AP5Z1: variants seen among roughly 807,000 people sequenced by gnomAD.
AP5Z1 encodes the protein adaptor related protein complex 5 subunit zeta 1, also known as AP-5 complex subunit zeta-1.
Under a neutral mutation model 83.0 loss-of-function variants are expected in AP5Z1, and 106 were observed. The observed-to-expected ratio is 1.28, with a 90% CI of 1.09 to 1.50. The LOEUF (loss-of-function observed/expected upper bound fraction) is 1.50, where lower values mean the gene tolerates loss of function less well. Ranked by LOEUF, AP5Z1 falls within the 40% of genes most tolerant of loss-of-function variation. The pLI is 0.00. For synonymous variants in AP5Z1, 751 were observed against 514.1 expected (o/e 1.46, Z -6.23); for missense variants, 1,565 against 1,094.2 (o/e 1.43, Z -6.07).
intron 10 of AP5Z1, among the ~76,000 whole-genome samples, chr7:4,787,253 G>A (rs1562410073): frequency 6.6e-6 from 1 of 152,120 alleles, no homozygotes; most frequent in East Asian, 2.0e-4. Context: ...AGCACCTCGG[G>A]AGGCCAAGGC....
At position 4,794,233 on chromosome 7, in the gene AP5Z1, T is replaced by A. The variant is rs1028734596; in HGVS notation, c.*2848T>A. ...ATTGTAAACGCACCAATCAGCACCC[T>A]GTCAAAACAGACCACTCGGCTCTAC... is the stretch of plus-strand genomic sequence containing the variant. On this transcript the variant is annotated 3_prime_UTR_variant, in exon 17 of 17. Coordinates refer to ENST00000649063, the MANE Select transcript of AP5Z1 (RefSeq NM_014855.3). 1 of 152,190 alleles carries A rather than the reference T, an allele frequency of 6.6e-6. No homozygotes were observed. Among genetic ancestry groups the A allele is most frequent in the African/African-American group, 2.4e-5 (1 of 41,422 alleles). 9.4% of individuals were successfully genotyped at this position (152,190 alleles called of 1,614,324 possible). A position where few individuals can be genotyped will look rare whatever the true frequency, so the allele number is the denominator to read the frequency against.
At chr7:4,777,254 C>A (rs1261775693) in intron 1 of AP5Z1, among the ~76,000 whole-genome samples, 2 of 152,000 alleles carry the variant, frequency 1.3e-5, no homozygotes, top group Non-Finnish European at 2.9e-5. Flanking sequence ...AAGGTCCTTG[C>A]CAAGAGACAA....
rs1417264467 is a variant in AP5Z1, at chr7:4,781,755, GTAGC to G, written c.366+2_366+5del. 1.3e-6 allele frequency: 2 copies of G among 1,556,764 alleles called. No homozygotes were observed. The highest frequency in any genetic ancestry group is 2.7e-5 in the African/African-American group (2 of 74,018). On this transcript the variant is annotated splice_donor_variant and splice_donor_5th_base_variant and intron_variant, in intron 3 of 16. Coordinates refer to ENST00000649063, the MANE Select transcript of AP5Z1 (RefSeq NM_014855.3). LOFTEE classifies it high-confidence loss of function. ...GGTGGCCTCCGTTCTCTTGGCCCAG[GTAGC>G]GCAGCAGTCACCACCCCAGTTGGCA...
intron 9 of AP5Z1, 29 bp downstream of exon 9, chr7:4,785,713 C>T (rs757315810): frequency 9.6e-5 from 138 of 1,440,566 alleles, no homozygotes; most frequent in Middle Eastern, 3.9e-4. Flanking sequence ...GGCGCTGACT[C>T]GGGGCTCTGC....
chr7:4,784,404 G>T lies in AP5Z1; in HGVS notation c.790+33G>T, dbSNP rs755505983. ...GGGTGGGGGGATGACGTCAGACAGG[G>T]GTGGGAGGTGGGCGCACTATGGGTT... On this transcript the variant is annotated intron_variant, in intron 6 of 16. Coordinates refer to ENST00000649063, the MANE Select transcript of AP5Z1 (RefSeq NM_014855.3). 85 of 1,554,772 alleles carry T rather than the reference G, an allele frequency of 5.5e-5. No homozygotes were observed. In the East Asian group the frequency reaches 1.9e-3, roughly 34 times the overall value.
intron 10 of AP5Z1, 31 bp downstream of exon 10, chr7:4,786,459 AGGGGCATGGTAAGTCCCT>A: frequency 6.2e-7 from 1 of 1,608,670 alleles, no homozygotes; most frequent in Non-Finnish European, 8.5e-7. Context: ...GTGCCAGGGC[AGGGGCATGGTAAGTCCCT>A]GGGGCTCCTC....
At chr7:4,781,458 A>G (rs1387814300) in intron 2 of AP5Z1, 110 bp from the exon 3 acceptor site, 36 of 1,534,178 alleles carry the variant, frequency 2.3e-5, no homozygotes, top group Non-Finnish European at 2.8e-5. Flanking sequence ...CCTCATGTAA[A>G]ATGCTCTGTC....
intron 10 of AP5Z1, among the ~76,000 whole-genome samples, chr7:4,787,375 G>C (rs527772296): frequency 6.6e-6 from 1 of 152,210 alleles, no homozygotes; most frequent in African/African-American, 2.4e-5. Flanking sequence ...AGTCTCAGCT[G>C]CTCAGGAGGC....
rs1391243368 is a variant in AP5Z1, at chr7:4,784,271, C to T, written c.690C>T (p.His230=). The T allele has an allele frequency of 1.2e-6, 2 of 1,600,756 alleles. No individual in the cohort carries two copies. Among genetic ancestry groups the T allele is most frequent in the Admixed American group, 3.4e-5 (2 of 58,202 alleles). The part of the protein sequence containing the change: ...TDFFTVLSSG[H]RFTDDQWLNV... Reference sequence around the variant, plus strand: ...TCTTCACGGTGCTCTCCAGCGGCCACCGCTTCACAGACGACCAGTGGCTGA... The same window carrying T: ...TCTTCACGGTGCTCTCCAGCGGCCATCGCTTCACAGACGACCAGTGGCTGA... Residue 230 remains histidine (H), a synonymous_variant, in exon 6 of 17, where the codon CAC becomes CAT. Coordinates refer to ENST00000649063, the MANE Select transcript of AP5Z1 (RefSeq NM_014855.3).
intron 12 of AP5Z1, 130 bp from the exon 13 acceptor site, chr7:4,788,710 G>A (rs1020708060): frequency 1.3e-6 from 1 of 782,164 alleles, no homozygotes; most frequent in African/African-American, 1.8e-5. Context: ...GGAGCAGGAG[G>A]TCCCGAGAGG....
intron 1 of AP5Z1, among the ~76,000 whole-genome samples, chr7:4,780,857 A>G (rs1385596128): frequency 6.6e-6 from 1 of 152,176 alleles, no homozygotes; most frequent in Non-Finnish European, 1.5e-5. Flanking sequence ...TAAATTTCCT[A>G]CTCTTGAATG....
At chr7:4,785,821 G>A (rs1449792225) in intron 9 of AP5Z1, 137 bp downstream of exon 9, 15 of 1,237,262 alleles carry the variant, frequency 1.2e-5, no homozygotes, top group African/African-American at 1.6e-5. Context: ...TGCCCAGGCT[G>A]GTCTGGAACT....
chr7:4,783,438 C>T lies in AP5Z1; in HGVS notation c.489C>T (p.Leu163=). The T allele has an allele frequency of 6.2e-7, 1 of 1,612,716 alleles. No individual in the cohort carries two copies. Among genetic ancestry groups the T allele is most frequent in the Non-Finnish European group, 8.5e-7 (1 of 1,179,698 alleles). The change falls in exon 4 of 17, where the codon CTC becomes CTT. Residue 163 remains leucine (L), a synonymous_variant. Coordinates refer to ENST00000649063, the MANE Select transcript of AP5Z1 (RefSeq NM_014855.3). Reference sequence around the variant, plus strand: ...CCGTCATGGCCAAGGTCGTGGTCCTCAGCCCGGGCACCCTCCAGGAGGGTA... The same window carrying T: ...CCGTCATGGCCAAGGTCGTGGTCCTTAGCCCGGGCACCCTCCAGGAGGGTA... ...LLPVMAKVVV[L]SPGTLQEDQA...
rs1184892312 is a variant in AP5Z1, at chr7:4,781,754, G to GTCACT, written c.366_366+1insTCACT (p.Gly123SerfsTer98). The GTCACT allele has an allele frequency of 1.3e-6, 2 of 1,557,732 alleles. No homozygotes were observed. Among genetic ancestry groups the GTCACT allele is most frequent in the African/African-American group, 2.7e-5 (2 of 74,028 alleles). ...TGGTGGCCTCCGTTCTCTTGGCCCAGGTAGCGCAGCAGTCACCACCCCAGT... is the reference window on the plus strand; with the variant it reads ...TGGTGGCCTCCGTTCTCTTGGCCCAGTCACTGTAGCGCAGCAGTCACCACCCCAGT... On this transcript the variant is annotated frameshift_variant and splice_region_variant. Coordinates refer to ENST00000649063, the MANE Select transcript of AP5Z1 (RefSeq NM_014855.3). LOFTEE classifies it high-confidence loss of function.
chr7:4,786,626 A>C (rs1384286808), intron 10 of AP5Z1, among the ~76,000 whole-genome samples, 198 bp downstream of exon 10: 1 of 152,142 alleles, frequency 6.6e-6, no homozygotes, highest in South Asian at 2.1e-4. Context: ...GTGCTGTCCA[A>C]GAACTCCCTT....
chr7:4,788,610 A>G, intron 12 of AP5Z1: 1 of 504,792 alleles, frequency 2.0e-6, no homozygotes, highest in Middle Eastern at 2.8e-4. Flanking sequence ...GACCGGCCAC[A>G]GGCCTCCTGC....
Position 4,786,393 on chromosome 7 carries a change from A to G in AP5Z1, c.1276A>G (p.Ser426Gly), listed in dbSNP as rs370075413. The G allele has an allele frequency of 1.9e-6, 3 of 1,613,870 alleles. No individual in the cohort carries two copies. Among genetic ancestry groups the G allele is most frequent in the South Asian group, 1.1e-5 (1 of 91,080 alleles). ...CCTCCACCTGTTCAGCGGGCACCTC[A>G]GCACCCTCAGATTGAGCTTCCCCAA... ...DNLHLFSGHL[S>G]TLRLSFPNLF... is the part of the protein sequence containing the mutation. The change falls in exon 10 of 17, where the codon AGC becomes GGC. Residue 426 changes from serine (S) to glycine (G), a missense_variant. Physicochemically the swap from Ser to Gly is moderately conservative, Grantham distance 56. Coordinates refer to ENST00000649063, the MANE Select transcript of AP5Z1 (RefSeq NM_014855.3).
intron 6 of AP5Z1, 128 bp from the exon 7 acceptor site, chr7:4,784,780 G>A (rs757401355): frequency 2.3e-6 from 3 of 1,297,284 alleles, no homozygotes; most frequent in African/African-American, 1.5e-5. Context: ...TCCTGAGACG[G>A]TGACGCCTCA....
At chr7:4,784,181 C>A (rs763968248) in intron 5 of AP5Z1, 22 bp from the exon 6 acceptor site, 5 of 1,571,934 alleles carry the variant, frequency 3.2e-6, no homozygotes, top group East Asian at 4.7e-5. Flanking sequence ...CCTCCGCCCA[C>A]TCCTGCCTGT....
Sources: gnomAD v4.1 joint callset for allele counts (sites outside exome capture counted in the v4.1 genomes callset) on GRCh38, gnomAD v4.1.1 for gene constraint, MANE v1.5 for transcripts, NCBI Gene and HGNC (gene_info 2026-07-23, HGNC 2026-07-21) for gene names.